The following GABRR3 variants were observed in gnomAD, a reference collection of about 807,000 sequenced individuals.
GABRR3 encodes gamma-aminobutyric acid receptor subunit rho-3.
A neutral mutation model predicts 43.2 loss-of-function variants in GABRR3; 29 were observed. That is an observed-to-expected ratio of 0.67 (90% CI 0.50 to 0.92). The LOEUF (loss-of-function observed/expected upper bound fraction) is 0.92. GABRR3 is among the 40% of genes least tolerant of loss of function. The pLI is 0.00. For synonymous variants in GABRR3, 206 were observed against 195.9 expected (o/e 1.05, Z -0.43); for missense variants, 576 against 572.3 (o/e 1.01, Z -0.07).
chr3:98,028,228 T>C (rs559681588), intron 2 of GABRR3, among the ~76,000 whole-genome samples: 2 of 152,320 alleles, frequency 1.3e-5, no homozygotes, highest in African/African-American at 4.8e-5. Context: ...ACTCGGTTTT[T>C]GCATTAATTC....
At chr3:98,001,700 G>A in exon 8 of GABRR3, 1 of 1,613,298 alleles carries the variant, frequency 6.2e-7, no homozygotes, top group Non-Finnish European at 8.5e-7. Context: ...CTGGGAAATA[G>A]GTTTGCAGCA....
chr3:98,004,822 T>A (rs1015913502), intron 7 of GABRR3, among the ~76,000 whole-genome samples: 1 of 151,848 alleles, frequency 6.6e-6, no homozygotes, highest in Non-Finnish European at 1.5e-5. Flanking sequence ...GTTGTAAGGA[T>A]AGGAGTGAAG....
In GABRR3 at chr3:97,996,521, G is replaced by A. The variant is rs199551973; in HGVS notation, c.908-3473C>T. 7.2e-5 allele frequency among the ~76,000 whole-genome samples: 11 copies of A among 152,152 alleles called. No individual in the cohort carries two copies. In the South Asian group the frequency reaches 1.5e-3, roughly 20 times the overall value. On this transcript the variant is annotated intron_variant, in intron 8 of 9. Coordinates refer to ENST00000621172, the Ensembl canonical transcript of GABRR3. ...GAGTGACTACAGGCCTGAAAACTTC[G>A]GTTGTCTTCCTCTGCCATATCTGTT...
Position 97,993,333 on chromosome 3 carries a change from C to A in GABRR3, c.908-285G>T, listed in dbSNP as rs1424634325. On this transcript the variant is annotated intron_variant, in intron 8 of 9. Coordinates refer to ENST00000621172, the Ensembl canonical transcript of GABRR3. ...AGAGTCTGACTTTTCTGTTTTTCAC[C>A]CTCAGATGGGCCTCTTCTAAGCATG... is the stretch of plus-strand genomic sequence containing the variant. Among the ~76,000 whole-genome samples, 4 of 152,240 alleles carry A rather than the reference C, an allele frequency of 2.6e-5. No homozygotes were observed. In the East Asian group the frequency reaches 7.7e-4, roughly 29 times the overall value.
chr3:98,020,457 C>CA (rs745684367), intron 3 of GABRR3, among the ~76,000 whole-genome samples: 3,005 of 100,438 alleles, frequency 0.03, 72 homozygotes, highest in African/African-American at 0.05. Flanking sequence ...GTCCAATCTT[C>CA]AAAAAAAAAA....
intron 9 of GABRR3, among the ~76,000 whole-genome samples, chr3:97,990,530 T>G (rs1057154181): frequency 2.0e-5 from 3 of 152,020 alleles, no homozygotes; most frequent in Non-Finnish European, 2.9e-5. Flanking sequence ...GTATTTTTAG[T>G]AGACACGGGG....
rs78061860 is a variant in GABRR3 at position 97,992,833 on chromosome 3, A to G, written c.1104+19T>C. On this transcript the variant is annotated intron_variant, in intron 9 of 9. Coordinates refer to ENST00000621172, the Ensembl canonical transcript of GABRR3. ...TTCCACATTCCCCAAGGGATCTGAT[A>G]GTCAGAGCAAGGCTGTACCTTTCCT... 4.9e-5 allele frequency: 77 copies of G among 1,574,982 alleles called. No individual in the cohort carries two copies. The highest frequency in any genetic ancestry group is 6.5e-5 in the Non-Finnish European group (75 of 1,159,950).
At chr3:98,013,420 C>A (rs1000340976) in intron 4 of GABRR3, among the ~76,000 whole-genome samples, 5 of 152,116 alleles carry the variant, frequency 3.3e-5, no homozygotes, top group Non-Finnish European at 7.4e-5. Flanking sequence ...ATAGAAACTC[C>A]CCCAGCTTCA....
intron 3 of GABRR3, among the ~76,000 whole-genome samples, chr3:98,024,366 CAAAAAAA>C (rs35090836): frequency 7.1e-5 from 3 of 42,466 alleles, no homozygotes; most frequent in Non-Finnish European, 1.5e-4. Context: ...GACTCCGTCT[CAAAAAAA>C]AAAAAAAAAA....
In GABRR3 at chr3:98,007,749, T is replaced by A; in HGVS notation, c.754+15A>T. 6.2e-7 allele frequency: 1 copy of A among 1,613,118 alleles called. No homozygotes were observed. Among genetic ancestry groups the A allele is most frequent in the East Asian group, 2.2e-5 (1 of 44,864 alleles). On this transcript the variant is annotated intron_variant, in intron 7 of 9. Transcript: ENST00000621172. ...CCAATAAATGCTGATGAATCACCCA[T>A]GTAAAATGCTGTACCTGTGCTGCTA...
intron 3 of GABRR3, among the ~76,000 whole-genome samples, chr3:98,020,913 G>A (rs1412266350): frequency 2.1e-5 from 3 of 146,258 alleles, no homozygotes; most frequent in Admixed American, 6.9e-5. Flanking sequence ...TCAGGCTGGA[G>A]TGCAGTGGTG....
intron 8 of GABRR3, chr3:97,998,643 T>C (rs950482660): frequency 2.0e-5 from 3 of 152,150 alleles, no homozygotes; most frequent in Non-Finnish European, 2.9e-5. Flanking sequence ...TCAAACTATG[T>C]ATCTGATGAG....
intron 2 of GABRR3, among the ~76,000 whole-genome samples, chr3:98,026,410 T>A (rs1707016542): frequency 6.6e-6 from 1 of 152,124 alleles, no homozygotes. Flanking sequence ...GCCCTGTCTC[T>A]CCCTGTGTCG....
At chr3:98,004,178 A>G (rs188653577) in intron 7 of GABRR3, among the ~76,000 whole-genome samples, 1 of 152,290 alleles carries the variant, frequency 6.6e-6, no homozygotes, top group Admixed American at 6.5e-5. Context: ...GTAGGCCTTA[A>G]TACTCTCTAT....
intron 2 of GABRR3, among the ~76,000 whole-genome samples, chr3:98,026,360 C>T (rs1476165200): frequency 1.3e-5 from 2 of 152,152 alleles, no homozygotes; most frequent in African/African-American, 4.8e-5. Flanking sequence ...GGAAAGCAGG[C>T]AGTGGCCTCT....
chr3:98,016,293 A>G (rs1281415675), intron 4 of GABRR3, among the ~76,000 whole-genome samples: 2 of 152,096 alleles, frequency 1.3e-5, no homozygotes. Flanking sequence ...TGAGTTCTCA[A>G]TTATTTCCCA....
In GABRR3 at chr3:98,026,474, C is replaced by A. The variant is rs184000974; in HGVS notation, c.126-795G>T. Among the ~76,000 whole-genome samples the A allele has an allele frequency of 2.0e-5, 3 of 152,244 alleles. No individual in the cohort carries two copies. In the East Asian group the frequency reaches 5.8e-4, roughly 29 times the overall value. On this transcript the variant is annotated intron_variant, in intron 2 of 9. Coordinates refer to ENST00000621172, the Ensembl canonical transcript of GABRR3. ...CTGATTTGTTTTCTGCCCTGTGACA[C>A]CTACTTCTCAGTGATACTGTGGGTG...
chr3:98,004,614 G>A (rs533443574), intron 7 of GABRR3, among the ~76,000 whole-genome samples: 18 of 151,104 alleles, frequency 1.2e-4, no homozygotes, highest in African/African-American at 4.4e-4. Context: ...GCCCTCATCT[G>A]CTTGTTAATA....
At chr3:98,002,483 A>G (rs1179733286) in intron 7 of GABRR3, among the ~76,000 whole-genome samples, 4 of 152,184 alleles carry the variant, frequency 2.6e-5, no homozygotes, top group African/African-American at 7.2e-5. Flanking sequence ...GGAAGTTTAA[A>G]GCCAAATTTT....
Sources: gnomAD v4.1 joint callset for allele counts (sites outside exome capture counted in the v4.1 genomes callset) on GRCh38, gnomAD v4.1.1 for gene constraint, MANE v1.5 for transcripts, NCBI Gene and HGNC (gene_info 2026-07-23, HGNC 2026-07-21) for gene names.